The following ADAMTS17 variants were observed in gnomAD, a reference collection of about 807,000 sequenced individuals.
The protein encoded by ADAMTS17 is A disintegrin and metalloproteinase with thrombospondin motifs 17.
A neutral mutation model predicts 141.5 loss-of-function variants in ADAMTS17; 113 were observed. That is an observed-to-expected ratio of 0.80 (90% CI 0.69 to 0.93). The LOEUF is 0.93. Among genes scored for constraint, ADAMTS17 ranks in the 40% least tolerant of loss-of-function variants. The probability of loss-of-function intolerance (pLI) is 0.00; values close to 1 mark genes in which losing one functional copy is unlikely to be tolerated. For missense variants in ADAMTS17, 1,659 were observed against 1,517.9 expected (o/e 1.09, Z -1.54); for synonymous variants, 768 against 630.6 (o/e 1.22, Z -3.27).
At chr15:100,204,269 C>G (rs1347209536) in intron 7 of ADAMTS17, among the ~76,000 whole-genome samples, 1 of 152,192 alleles carries the variant, frequency 6.6e-6, no homozygotes, top group African/African-American at 2.4e-5. Context: ...CAGCTGGTGG[C>G]CTTGCTGCCC....
intron 3 of ADAMTS17, among the ~76,000 whole-genome samples, chr15:100,297,850 G>T (rs2044878803): frequency 6.6e-6 from 1 of 152,168 alleles, no homozygotes; most frequent in South Asian, 2.1e-4. Flanking sequence ...AGATAGAAGA[G>T]ATGGAAATAA....
intron 4 of ADAMTS17, among the ~76,000 whole-genome samples, chr15:100,262,953 C>G (rs1285464516): frequency 6.6e-6 from 1 of 151,650 alleles, no homozygotes; most frequent in Admixed American, 6.6e-5. Context: ...ATGGATTTGC[C>G]AAAAGAAAAA....
intron 18 of ADAMTS17, among the ~76,000 whole-genome samples, chr15:100,047,720 C>A (rs1208258094): frequency 6.6e-6 from 1 of 152,160 alleles, no homozygotes; most frequent in East Asian, 1.9e-4. Flanking sequence ...GCCAGGCCAT[C>A]TTTAGTTTCC....
chr15:99,999,781 G>T (rs1026020559), intron 18 of ADAMTS17, among the ~76,000 whole-genome samples: 2 of 152,104 alleles, frequency 1.3e-5, no homozygotes, highest in Non-Finnish European at 2.9e-5. Context: ...TCCCAGTGAC[G>T]ACGGCACTGG....
intron 8 of ADAMTS17, among the ~76,000 whole-genome samples, chr15:100,171,421 G>A (rs2040155756): frequency 6.6e-6 from 1 of 152,176 alleles, no homozygotes; most frequent in Admixed American, 6.5e-5. Context: ...ACCTCGCAGG[G>A]CTATGAAATG....
At chr15:100,135,858 T>C (rs1035784694) in intron 10 of ADAMTS17, among the ~76,000 whole-genome samples, 1 of 152,140 alleles carries the variant, frequency 6.6e-6, no homozygotes, top group Non-Finnish European at 1.5e-5. Flanking sequence ...GAAGGGAAAT[T>C]ACAACCACCA....
Position 100,246,034 on chromosome 15 carries a change from G to A in ADAMTS17, c.1075+8102C>T, listed in dbSNP as rs571646401. On this transcript the variant is annotated intron_variant, in intron 7 of 21. Transcript: ENST00000268070. ...TCAAGGCAGGAATGTTCTCGGGATC[G>A]CCAGTCCTCGTCCTCTTCTGTTCTC... 3.3e-5 allele frequency among the ~76,000 whole-genome samples: 5 copies of A among 152,170 alleles called. No individual in the cohort carries two copies. The South Asian group carries it at 8.3e-4, about 25-fold the overall frequency.
At chr15:100,283,578 C>A (rs896632056) in intron 3 of ADAMTS17, among the ~76,000 whole-genome samples, 9 of 152,198 alleles carry the variant, frequency 5.9e-5, no homozygotes, top group African/African-American at 1.4e-4. Context: ...TAATCCATTT[C>A]TTTGAGTCAC....
chr15:100,104,743 C>G (rs980545488), intron 14 of ADAMTS17, among the ~76,000 whole-genome samples: 2 of 152,194 alleles, frequency 1.3e-5, no homozygotes, highest in African/African-American at 4.8e-5. Flanking sequence ...TAGATACAGA[C>G]TTTCCACTCA....
intron 15 of ADAMTS17, among the ~76,000 whole-genome samples, chr15:100,058,941 G>C (rs749950120): frequency 6.6e-6 from 1 of 152,192 alleles, no homozygotes; most frequent in African/African-American, 2.4e-5. Flanking sequence ...GAGTGCTAGC[G>C]GCAGCCGGTT....
chr15:100,039,610 T>A (rs1411722211), intron 18 of ADAMTS17, among the ~76,000 whole-genome samples: 1 of 152,178 alleles, frequency 6.6e-6, no homozygotes, highest in East Asian at 1.9e-4. Context: ...AAAACATACC[T>A]AGTATTATTT....
At chr15:100,141,049 G>A (rs978358690) in intron 10 of ADAMTS17, among the ~76,000 whole-genome samples, 4 of 152,164 alleles carry the variant, frequency 2.6e-5, no homozygotes, top group African/African-American at 4.8e-5. Flanking sequence ...CTTGAGTTGC[G>A]GTGGAAAGTC....
At chr15:100,115,810 A>G (rs73480800) in intron 13 of ADAMTS17, among the ~76,000 whole-genome samples, 2 of 152,216 alleles carry the variant, frequency 1.3e-5, no homozygotes, top group African/African-American at 4.8e-5. Flanking sequence ...GTTCTTCTTC[A>G]AGCTCCCTCA....
At chr15:100,141,762 A>C (rs1317942896) in intron 10 of ADAMTS17, among the ~76,000 whole-genome samples, 1 of 152,212 alleles carries the variant, frequency 6.6e-6, no homozygotes, top group Non-Finnish European at 1.5e-5. Flanking sequence ...GCTCTCTGAA[A>C]AGGCAGTCTA....
rs575097390 is a variant in ADAMTS17, at chr15:100,325,893, A to G, written c.616+4996T>C. On this transcript the variant is annotated intron_variant, in intron 3 of 21. Coordinates refer to ENST00000268070, the MANE Select transcript of ADAMTS17 (RefSeq NM_139057.4). ...TGCAAGCCAAGGAGAGAAGCCTGGA[A>G]CAGATCCTTTCCTCATAGCCTCAGA... is the stretch of plus-strand genomic sequence containing the variant. Among the ~76,000 whole-genome samples the G allele has an allele frequency of 1.9e-3, 287 of 152,350 alleles. 1 individual carries two copies. Among genetic ancestry groups the G allele is most frequent in the African/African-American group, 6.6e-3 (274 of 41,576 alleles).
At position 100,077,283 on chromosome 15, in the gene ADAMTS17, CAAAAAA is replaced by C. The variant is rs71151934; in HGVS notation, c.2137+19067_2137+19072del. Reference sequence around the variant, plus strand: ...ACATGGTGAAACCCTATCTCTACCACAAAAAAAAAAAAAAAAAAAAAAAAAAAAATT... The same window carrying C: ...ACATGGTGAAACCCTATCTCTACCACAAAAAAAAAAAAAAAAAAAAAAATT... On this transcript the variant is annotated intron_variant, in intron 15 of 21. Transcript: ENST00000268070. 2.3e-3 allele frequency among the ~76,000 whole-genome samples: 124 copies of C among 54,608 alleles called. 1 individual carries two copies. The highest frequency in any genetic ancestry group is 7.1e-3 in the African/African-American group (117 of 16,580). The allele number at this position is 54,608 out of a possible 152,430, so 35.8% of individuals were successfully genotyped here.
At chr15:100,266,893 G>T (rs140752654) in intron 4 of ADAMTS17, among the ~76,000 whole-genome samples, 1 of 152,058 alleles carries the variant, frequency 6.6e-6, no homozygotes, top group Non-Finnish European at 1.5e-5. Flanking sequence ...ACCTCCGGTG[G>T]TCCCTACTCT....
At chr15:100,029,072 G>A (rs1048054377) in intron 18 of ADAMTS17, among the ~76,000 whole-genome samples, 3 of 152,184 alleles carry the variant, frequency 2.0e-5, no homozygotes, top group Admixed American at 6.5e-5. Flanking sequence ...GCATGCCTCA[G>A]TGCACTTGGG....
At chr15:100,224,888 C>T (rs1326285743) in intron 7 of ADAMTS17, among the ~76,000 whole-genome samples, 1 of 152,220 alleles carries the variant, frequency 6.6e-6, no homozygotes. Context: ...AAGGAAGCTG[C>T]GAAGCTTGTC....
Sources: allele counts gnomAD v4.1 joint callset (sites outside exome capture counted in the v4.1 genomes callset), GRCh38; gene constraint gnomAD v4.1.1; transcripts MANE v1.5; gene names NCBI Gene and HGNC (gene_info 2026-07-23, HGNC 2026-07-21).